PBRM1: variants seen among roughly 807,000 people sequenced by gnomAD.
PBRM1 encodes protein polybromo-1.
Under a neutral mutation model 194.5 loss-of-function variants are expected in PBRM1, and 27 were observed. The ratio of observed to expected loss-of-function variants is 0.14; its 90% CI spans 0.10 to 0.19. The LOEUF (loss-of-function observed/expected upper bound fraction) is 0.19, where lower values mean the gene tolerates loss of function less well. Ranked by LOEUF, PBRM1 falls within the 10% of genes least tolerant of loss-of-function variation. PBRM1 has a pLI of 1.00. For synonymous variants in PBRM1, 655 were observed against 693.2 expected (o/e 0.94, Z 0.87); for missense variants, 1,466 against 2,077.2 (o/e 0.71, Z 5.72).
chr3:52,592,939 G>A (rs2093232905), intron 17 of PBRM1, among the ~76,000 whole-genome samples: 1 of 152,152 alleles, frequency 6.6e-6, no homozygotes, highest in African/African-American at 2.4e-5. Context: ...TCTAGTTTGT[G>A]TGCATAGAGG....
chr3:52,673,132 C>T (rs1341248126), intron 2 of PBRM1, among the ~76,000 whole-genome samples: 1 of 150,868 alleles, frequency 6.6e-6, no homozygotes, highest in Non-Finnish European at 1.5e-5. Context: ...GGATTACAGG[C>T]ACCCACCACC....
chr3:52,552,994 AAG>A (rs2081335914), intron 27 of PBRM1, among the ~76,000 whole-genome samples: 2 of 152,190 alleles, frequency 1.3e-5, no homozygotes, highest in African/African-American at 4.8e-5. Flanking sequence ...AACTCTCACA[AAG>A]AGTGTGGCTG....
chr3:52,648,605 T>C (rs1208701247), intron 6 of PBRM1, among the ~76,000 whole-genome samples, 163 bp from the exon 8 acceptor site: 1 of 152,256 alleles, frequency 6.6e-6, no homozygotes, highest in East Asian at 1.9e-4. Context: ...TTTTTATAAA[T>C]TATTACTGTA....
At chr3:52,633,204 T>A (rs963183309) in intron 11 of PBRM1, among the ~76,000 whole-genome samples, 1 of 152,126 alleles carries the variant, frequency 6.6e-6, no homozygotes, top group Non-Finnish European at 1.5e-5. Flanking sequence ...TTTTTTTTAA[T>A]GTTCTGGATC....
chr3:52,605,153 G>C (rs763990234), intron 16 of PBRM1, among the ~76,000 whole-genome samples: 4 of 152,074 alleles, frequency 2.6e-5, no homozygotes, highest in African/African-American at 7.2e-5. Context: ...ACCCAGACTG[G>C]AGTGCAGTGG....
intron 29 of PBRM1, among the ~76,000 whole-genome samples, chr3:52,548,502 C>G (rs2153323759): frequency 6.6e-6 from 1 of 152,034 alleles, no homozygotes; most frequent in Non-Finnish European, 1.5e-5. Flanking sequence ...TCTCAGCTCA[C>G]TGCAACCTCT....
At chr3:52,605,994 C>T (rs1387887477) in intron 16 of PBRM1, among the ~76,000 whole-genome samples, 1 of 151,248 alleles carries the variant, frequency 6.6e-6, no homozygotes, top group Non-Finnish European at 1.5e-5. Flanking sequence ...GAAGACACCC[C>T]TGAAACACTT....
At chr3:52,597,502 G>A (rs1576428022) in intron 17 of PBRM1, among the ~76,000 whole-genome samples, 1 of 152,164 alleles carries the variant, frequency 6.6e-6, no homozygotes, top group East Asian at 1.9e-4. Context: ...AGATCTATAA[G>A]GTTCTTGAGA....
exon 18 of PBRM1, chr3:52,589,121 T>C: frequency 3.1e-6 from 5 of 1,613,728 alleles, no homozygotes; most frequent in Non-Finnish European, 3.4e-6. Context: ...GGTTGTAGGT[T>C]GGCCTCTGCA....
In PBRM1 at chr3:52,609,864, A is replaced by G. The variant is rs762295006; in HGVS notation, c.2016T>C (p.Tyr672=). The G allele has an allele frequency of 3.1e-6, 5 of 1,608,250 alleles. No individual in the cohort carries two copies. In the South Asian group the frequency reaches 4.4e-5, roughly 14 times the overall value. Residue 672 remains tyrosine, a synonymous_variant, in exon 16 of 30, where the codon TAT becomes TAC. Transcript: ENST00000296302. This position sits in a 1 kb window ranked among gnomAD's most constrained non-coding sequence, Gnocchi z 4.1. ...TGAGGCGGCGACCCCTCTTATCAGT[A>G]TAGTTCTTTACAGCTTCATAGACCT...
intron 3 of PBRM1, 39 bp from the exon 5 acceptor site, chr3:52,662,315 A>C (rs374884952): frequency 2.0e-6 from 3 of 1,536,986 alleles, no homozygotes; most frequent in Non-Finnish European, 2.6e-6. Context: ...ACACTTTAGT[A>C]ATGTATTGGA....
At chr3:52,581,931 C>T (rs752650185) in intron 20 of PBRM1, among the ~76,000 whole-genome samples, 2 of 152,126 alleles carry the variant, frequency 1.3e-5, no homozygotes, top group Admixed American at 6.5e-5. Context: ...CCACCGAGCA[C>T]GGCCTAAAGT....
intron 17 of PBRM1, among the ~76,000 whole-genome samples, chr3:52,601,111 G>C (rs1378997747): frequency 2.0e-5 from 3 of 152,212 alleles, no homozygotes; most frequent in Non-Finnish European, 4.4e-5. Flanking sequence ...TCGTAGAAGA[G>C]GACTTCTCCC....
At chr3:52,667,643 C>T (rs1441329916) in intron 3 of PBRM1, among the ~76,000 whole-genome samples, 11 of 150,274 alleles carry the variant, frequency 7.3e-5, no homozygotes. Flanking sequence ...ATCCCAGCTA[C>T]TCAGGAGGCT....
intron 13 of PBRM1, among the ~76,000 whole-genome samples, chr3:52,626,429 G>A (rs2095448665): frequency 6.6e-6 from 1 of 152,204 alleles, no homozygotes; most frequent in Non-Finnish European, 1.5e-5. Context: ...TATAGACTGT[G>A]TCAACAGTTA....
chr3:52,621,518 A>G (rs1273734009), intron 13 of PBRM1, among the ~76,000 whole-genome samples: 2 of 152,138 alleles, frequency 1.3e-5, no homozygotes, highest in Admixed American at 6.6e-5. Flanking sequence ...AGAATTTCTC[A>G]ATGTCTTTTC....
intron 16 of PBRM1, among the ~76,000 whole-genome samples, chr3:52,605,671 C>T (rs902603522): frequency 6.8e-6 from 1 of 146,818 alleles, no homozygotes. Flanking sequence ...GGTGCGGTCT[C>T]AGCTCATTGC....
chr3:52,668,523 A>G, exon 3 of PBRM1: 1 of 1,605,452 alleles, frequency 6.2e-7, no homozygotes, highest in Non-Finnish European at 8.5e-7. Flanking sequence ...TGCATTGTTA[A>G]AAAGAAGCTG....
chr3:52,604,639 G>A (rs2094221226), intron 16 of PBRM1, among the ~76,000 whole-genome samples: 1 of 151,890 alleles, frequency 6.6e-6, no homozygotes, highest in Non-Finnish European at 1.5e-5. Context: ...GGTGCAGTAA[G>A]TTATGATGGC....
Sources: allele counts gnomAD v4.1 joint callset (sites outside exome capture counted in the v4.1 genomes callset), GRCh38; gene constraint gnomAD v4.1.1; non-coding constraint Gnocchi (gnomAD v3.1); transcripts MANE v1.5; gene names NCBI Gene and HGNC (gene_info 2026-07-23, HGNC 2026-07-21).